ARL13B: variants seen among roughly 807,000 people sequenced by gnomAD.
ARL13B encodes ADP-ribosylation factor-like protein 13B.
ARL13B carries 36 observed loss-of-function variants against 56.1 expected under a neutral mutation model. That is an observed-to-expected ratio of 0.64 (90% CI 0.49 to 0.85). The LOEUF (loss-of-function observed/expected upper bound fraction) is 0.85. Among genes scored for constraint, ARL13B ranks in the 40% least tolerant of loss-of-function variants. ARL13B has a pLI of 0.00. For synonymous variants in ARL13B, 178 were observed against 171.1 expected (o/e 1.04, Z -0.32); for missense variants, 519 against 507.1 (o/e 1.02, Z -0.23).
At chr3:94,037,430 C>A (rs2076788529) in intron 5 of ARL13B, among the ~76,000 whole-genome samples, 1 of 152,080 alleles carries the variant, frequency 6.6e-6, no homozygotes, top group Non-Finnish European at 1.5e-5. Flanking sequence ...TGAAGGAAAT[C>A]CTCTGATAAC....
At chr3:93,981,648 G>A (rs757571913) in intron 1 of ARL13B, among the ~76,000 whole-genome samples, 5 of 151,944 alleles carry the variant, frequency 3.3e-5, no homozygotes, top group Admixed American at 6.6e-5. Context: ...TTGGGAGGCC[G>A]AAGCTGGCCG....
intron 3 of ARL13B, among the ~76,000 whole-genome samples, chr3:94,033,594 A>C (rs2076714225): frequency 6.6e-6 from 1 of 152,216 alleles, no homozygotes; most frequent in Non-Finnish European, 1.5e-5. Flanking sequence ...TTACTGTTTC[A>C]TAAACTTTGG....
intron 3 of ARL13B, among the ~76,000 whole-genome samples, chr3:94,020,624 G>A (rs974156817): frequency 2.6e-5 from 4 of 152,138 alleles, no homozygotes; most frequent in African/African-American, 9.7e-5. Context: ...ATCTGTTTGT[G>A]TCAGGAAAAG....
intron 1 of ARL13B, among the ~76,000 whole-genome samples, chr3:93,983,083 T>A (rs1710295528): frequency 6.6e-6 from 1 of 152,234 alleles, no homozygotes; most frequent in Non-Finnish European, 1.5e-5. Context: ...AAAGAGATGA[T>A]GATGGTTATT....
intron 7 of ARL13B, among the ~76,000 whole-genome samples, chr3:94,047,197 T>C (rs1278269500): frequency 2.0e-5 from 3 of 152,254 alleles, no homozygotes; most frequent in Non-Finnish European, 4.4e-5. Context: ...GAAATTTTTA[T>C]AGTATCACAG....
intron 1 of ARL13B, among the ~76,000 whole-genome samples, chr3:93,989,558 T>A (rs972065421): frequency 2.6e-4 from 39 of 150,796 alleles, no homozygotes; most frequent in Admixed American, 2.6e-4. Flanking sequence ...ATGGTTAATT[T>A]TTTTTTTTTT....
chr3:94,003,123 T>C (rs1456349768), intron 2 of ARL13B, among the ~76,000 whole-genome samples: 1 of 152,214 alleles, frequency 6.6e-6, no homozygotes, highest in Non-Finnish European at 1.5e-5. Context: ...AAGAATGAAA[T>C]CTACTTTTTG....
rs529073997 is a variant in ARL13B, at chr3:93,997,715, G to T, written c.130+1771G>T. On this transcript the variant is annotated intron_variant, in intron 2 of 9. Transcript: ENST00000394222. Reference sequence around the variant, plus strand: ...CATCTGCATACATGCTGGGCACGGTGGCTCACACCTGTAATAATCCCAGCA... The same window carrying T: ...CATCTGCATACATGCTGGGCACGGTTGCTCACACCTGTAATAATCCCAGCA... 2.3e-4 allele frequency among the ~76,000 whole-genome samples: 35 copies of T among 152,308 alleles called. 1 individual carries two copies. In the East Asian group the frequency reaches 6.8e-3, roughly 29 times the overall value.
rs1428808335 is a variant in ARL13B, at chr3:94,042,142, TAA to T, written c.799-872_799-871del. On this transcript the variant is annotated intron_variant, in intron 6 of 9. Coordinates refer to ENST00000394222, the MANE Select transcript of ARL13B (RefSeq NM_001174150.2). ...ACTTAAACTCAAATGAAAATAACACTAAGTTAAATAAAAATATGTATTAATAC... is the reference window on the plus strand; with the variant it reads ...ACTTAAACTCAAATGAAAATAACACTGTTAAATAAAAATATGTATTAATAC... Among the ~76,000 whole-genome samples the T allele has an allele frequency of 5.3e-5, 8 of 152,244 alleles. 1 individual carries two copies. Among genetic ancestry groups the T allele is most frequent in the African/African-American group, 1.9e-4 (8 of 41,540 alleles).
At chr3:93,984,112 T>C (rs1245863410) in intron 1 of ARL13B, among the ~76,000 whole-genome samples, 1 of 152,164 alleles carries the variant, frequency 6.6e-6, no homozygotes, top group Non-Finnish European at 1.5e-5. Context: ...TCCCAGCACT[T>C]TGGGAGGCTG....
intron 2 of ARL13B, among the ~76,000 whole-genome samples, chr3:93,999,517 CATA>C (rs1358554622): frequency 6.6e-6 from 1 of 152,028 alleles, no homozygotes. Flanking sequence ...GCATGCAAGG[CATA>C]ATAATTTCGT....
At chr3:94,022,364 G>A (rs2076466415) in intron 3 of ARL13B, among the ~76,000 whole-genome samples, 1 of 152,006 alleles carries the variant, frequency 6.6e-6, no homozygotes, top group Non-Finnish European at 1.5e-5. Flanking sequence ...AACCTCAAGT[G>A]ATCCACCCGC....
At chr3:94,025,110 G>T (rs1490754503) in intron 3 of ARL13B, among the ~76,000 whole-genome samples, 1 of 151,934 alleles carries the variant, frequency 6.6e-6, no homozygotes, top group Non-Finnish European at 1.5e-5. Context: ...TATAAAGGTT[G>T]TTTTTTTCCT....
At chr3:94,010,992 T>C (rs971253087) in intron 3 of ARL13B, among the ~76,000 whole-genome samples, 1 of 152,086 alleles carries the variant, frequency 6.6e-6, no homozygotes, top group Admixed American at 6.6e-5. Context: ...TTATCATCTT[T>C]TAAGTTTATC....
At chr3:94,006,008 A>G (rs1168277096) in intron 3 of ARL13B, among the ~76,000 whole-genome samples, 2 of 152,190 alleles carry the variant, frequency 1.3e-5, no homozygotes, top group Non-Finnish European at 2.9e-5. Context: ...CATATAATAA[A>G]TACAATTTTG....
At chr3:93,992,060 TTTTG>T (rs564986077) in intron 1 of ARL13B, among the ~76,000 whole-genome samples, 25 of 152,276 alleles carry the variant, frequency 1.6e-4, no homozygotes, top group East Asian at 1.5e-3. Context: ...TGAAGGACAT[TTTTG>T]TTTGTTTGAG....
At chr3:93,991,875 T>C (rs752424212) in intron 1 of ARL13B, among the ~76,000 whole-genome samples, 3 of 152,238 alleles carry the variant, frequency 2.0e-5, no homozygotes, top group Non-Finnish European at 4.4e-5. Flanking sequence ...TTGTTAGTTA[T>C]GTTTATTCAG....
chr3:93,983,671 T>G (rs941111012), intron 1 of ARL13B, among the ~76,000 whole-genome samples: 1 of 152,144 alleles, frequency 6.6e-6, no homozygotes, highest in African/African-American at 2.4e-5. Flanking sequence ...TTTGTTTTGT[T>G]TTTATTACTA....
chr3:94,055,258 C>G lies in ARL13B; in HGVS notation c.*1995C>G, dbSNP rs2077125503. On this transcript the variant is annotated 3_prime_UTR_variant, in exon 10 of 10. Coordinates refer to ENST00000394222, the MANE Select transcript of ARL13B (RefSeq NM_001174150.2). ...AATTCTGAATTTTGACATTTTCACA[C>G]AATAAAAATAATTTATATCAATATT... 4.8e-6 allele frequency: 2 copies of G among 413,384 alleles called. No homozygotes were observed. The highest frequency in any genetic ancestry group is 3.7e-5 in the South Asian group (2 of 54,622). 25.6% of individuals were successfully genotyped at this position (413,384 alleles called of 1,614,324 possible).
Sources: allele counts gnomAD v4.1 joint callset (sites outside exome capture counted in the v4.1 genomes callset), GRCh38; gene constraint gnomAD v4.1.1; transcripts MANE v1.5; gene names NCBI Gene and HGNC (gene_info 2026-07-23, HGNC 2026-07-21).